ZFPM1: variants seen among roughly 807,000 people sequenced by gnomAD.
The protein encoded by ZFPM1 is zinc finger protein, FOG family member 1.
A neutral mutation model predicts 46.3 loss-of-function variants in ZFPM1; 28 were observed. The observed-to-expected ratio is 0.60, with a 90% CI of 0.45 to 0.83. The LOEUF (loss-of-function observed/expected upper bound fraction) is 0.83. Among genes scored for constraint, ZFPM1 ranks in the 40% least tolerant of loss-of-function variants. ZFPM1 has a pLI of 0.00. For synonymous variants in ZFPM1, 957 were observed against 675.9 expected (o/e 1.42, Z -6.45); for missense variants, 1,878 against 1,432.4 (o/e 1.31, Z -5.02).
At chr16:88,465,720 C>T (rs1300135231) in intron 1 of ZFPM1, among the ~76,000 whole-genome samples, 5 of 152,226 alleles carry the variant, frequency 3.3e-5, no homozygotes, top group Non-Finnish European at 7.4e-5. Context: ...CCCCAGCCAT[C>T]CCTGGCCCTG....
chr16:88,533,638 G>A lies in ZFPM1; in HGVS notation c.1680G>A (p.Ala560=). The stretch of plus-strand genomic sequence containing the variant: ...GCCGGCTGCAGCAGGGCGCGGGCGC[G>A]GGCGCCGGCGGCGCGCAGACCGGGC... ...VHSRLQQGAG[A]GAGGAQTGLF... Residue 560 remains alanine, a synonymous_variant, in exon 10 of 10, where the codon GCG becomes GCA. Transcript: ENST00000319555. 1.4e-6 allele frequency: 2 copies of A among 1,459,516 alleles called. No individual in the cohort carries two copies. Among genetic ancestry groups the A allele is most frequent in the South Asian group, 1.3e-5 (1 of 77,224 alleles). The allele number at this position is 1,459,516 out of a possible 1,614,324, so 90.4% of individuals were successfully genotyped here. A position where few individuals can be genotyped will look rare whatever the true frequency, so the allele number is the denominator to read the frequency against.
intron 4 of ZFPM1, among the ~76,000 whole-genome samples, chr16:88,520,952 G>T (rs1173734019): frequency 2.2e-5 from 3 of 133,432 alleles, no homozygotes; most frequent in African/African-American, 5.7e-5. Context: ...TAGGTGGGTG[G>T]GTGGATGATG....
Position 88,480,339 on chromosome 16 carries a change from G to A in ZFPM1, c.41-5600G>A, listed in dbSNP as rs1282143665. 2.0e-5 allele frequency among the ~76,000 whole-genome samples: 3 copies of A among 152,190 alleles called. No homozygotes were observed. Among genetic ancestry groups the A allele is most frequent in the African/African-American group, 4.8e-5 (2 of 41,454 alleles). On this transcript the variant is annotated intron_variant, in intron 1 of 9. Transcript: ENST00000319555. This position sits in a 1 kb window ranked among gnomAD's most constrained non-coding sequence, Gnocchi z 4.9. Reference sequence around the variant, plus strand: ...ACCTCGTGAGGGTGGGGCACGCCAAGGGCTCAGGAAGGGGAAAGGAGCCAG... The same window carrying A: ...ACCTCGTGAGGGTGGGGCACGCCAAAGGCTCAGGAAGGGGAAAGGAGCCAG...
intron 1 of ZFPM1, among the ~76,000 whole-genome samples, chr16:88,472,553 C>T (rs1022619022): frequency 4.6e-5 from 7 of 152,060 alleles, no homozygotes; most frequent in African/African-American, 1.2e-4. Flanking sequence ...GGGGTTTCAC[C>T]CTGTTGGCCA....
chr16:88,502,070 AT>A lies in ZFPM1; in HGVS notation c.269-12314del, dbSNP rs1567541893. On this transcript the variant is annotated intron_variant, in intron 3 of 9. Coordinates refer to ENST00000319555, the MANE Select transcript of ZFPM1 (RefSeq NM_153813.3). ...CGGCTCCACCCGCCCCCCCCCATTT[AT>A]TTATTTATTTATTTATTTATTTATT... 1.9e-3 allele frequency among the ~76,000 whole-genome samples: 46 copies of A among 23,816 alleles called. 1 individual carries two copies. The highest frequency in any genetic ancestry group is 3.9e-3 in the African/African-American group (43 of 10,892). The allele number at this position is 23,816 out of a possible 152,430, so 15.6% of individuals were successfully genotyped here. A position where few individuals can be genotyped will look rare whatever the true frequency, so the allele number is the denominator to read the frequency against.
At position 88,453,457 on chromosome 16, in the gene ZFPM1, C is replaced by T. The variant is rs1907377056; in HGVS notation, c.-182C>T. ...AACGCAGGACCGTGGCCTCTCGGGCCTCCGCGGCAGCTCCAGCGGCTCCGG... is the reference window on the plus strand; with the variant it reads ...AACGCAGGACCGTGGCCTCTCGGGCTTCCGCGGCAGCTCCAGCGGCTCCGG... On this transcript the variant is annotated 5_prime_UTR_variant, in exon 1 of 10. Transcript: ENST00000319555. 6.0e-6 allele frequency: 1 copy of T among 166,194 alleles called. No homozygotes were observed. Among genetic ancestry groups the T allele is most frequent in the African/African-American group, 2.5e-5 (1 of 40,720 alleles). 10.3% of individuals were successfully genotyped at this position (166,194 alleles called of 1,614,324 possible).
rs961845649 is a variant in ZFPM1, at chr16:88,536,835, C to A, written c.*1856C>A. ...CAGGTGATAGCGGGGACGGGAGGCACGGACCCCTCAAGTCTGCTCATCATT... is the reference window on the plus strand; with the variant it reads ...CAGGTGATAGCGGGGACGGGAGGCAAGGACCCCTCAAGTCTGCTCATCATT... On this transcript the variant is annotated 3_prime_UTR_variant, in exon 10 of 10. Coordinates refer to ENST00000319555, the MANE Select transcript of ZFPM1 (RefSeq NM_153813.3). 1 of 152,206 alleles carries A rather than the reference C, an allele frequency of 6.6e-6. No individual in the cohort carries two copies. Among genetic ancestry groups the A allele is most frequent in the East Asian group, 1.9e-4 (1 of 5,196 alleles). 9.4% of individuals were successfully genotyped at this position (152,206 alleles called of 1,614,324 possible). A position where few individuals can be genotyped will look rare whatever the true frequency, so the allele number is the denominator to read the frequency against.
chr16:88,518,274 T>C (rs1911487950), intron 4 of ZFPM1, among the ~76,000 whole-genome samples: 1 of 150,246 alleles, frequency 6.7e-6, no homozygotes, highest in South Asian at 2.1e-4. Flanking sequence ...GGATGGTGGA[T>C]AAGTGGATGG....
intron 1 of ZFPM1, among the ~76,000 whole-genome samples, chr16:88,485,543 G>T (rs562333089): frequency 2.0e-5 from 3 of 151,314 alleles, no homozygotes; most frequent in Admixed American, 6.6e-5. Context: ...AGTCTCAAGC[G>T]ATCCTCCCAC....
chr16:88,515,752 G>A (rs1425307190), intron 4 of ZFPM1, among the ~76,000 whole-genome samples: 1 of 152,222 alleles, frequency 6.6e-6, no homozygotes, highest in Non-Finnish European at 1.5e-5. Context: ...TCCATGGAAG[G>A]AGCCACATTT....
intron 1 of ZFPM1, among the ~76,000 whole-genome samples, chr16:88,456,806 G>A (rs896322746): frequency 1.3e-5 from 2 of 152,186 alleles, no homozygotes; most frequent in Admixed American, 1.3e-4. Context: ...CCAGGGCTGT[G>A]GGAGTCCCCA....
At chr16:88,522,660 G>T (rs771001166) in intron 4 of ZFPM1, among the ~76,000 whole-genome samples, 3 of 152,218 alleles carry the variant, frequency 2.0e-5, no homozygotes, top group Non-Finnish European at 4.4e-5. Flanking sequence ...GGGAAACAAG[G>T]AACATTCTCA....
intron 1 of ZFPM1, among the ~76,000 whole-genome samples, chr16:88,458,987 C>A (rs1444726603): frequency 2.0e-5 from 3 of 152,234 alleles, no homozygotes; most frequent in Non-Finnish European, 4.4e-5. Flanking sequence ...CAGCCACCTG[C>A]AAGCTGCAGG....
chr16:88,531,293 C>T (rs1011218607), intron 6 of ZFPM1, among the ~76,000 whole-genome samples: 13 of 152,212 alleles, frequency 8.5e-5, no homozygotes, highest in Non-Finnish European at 1.5e-4. Flanking sequence ...ACCGAGAACA[C>T]GCTAGAGAAG....
intron 1 of ZFPM1, among the ~76,000 whole-genome samples, chr16:88,455,098 C>A (rs571625621): frequency 4.0e-5 from 6 of 151,502 alleles, no homozygotes; most frequent in African/African-American, 1.5e-4. Context: ...GTTTCTTTTT[C>A]CTTCCTTCCC....
intron 3 of ZFPM1, among the ~76,000 whole-genome samples, chr16:88,505,175 C>T (rs1910580860): frequency 1.3e-5 from 2 of 152,232 alleles, no homozygotes; most frequent in African/African-American, 4.8e-5. Context: ...CTCCCTCGCC[C>T]GGTGGCTGAC....
chr16:88,494,385 C>T (rs1909807078), intron 3 of ZFPM1, among the ~76,000 whole-genome samples: 1 of 152,032 alleles, frequency 6.6e-6, no homozygotes, highest in Non-Finnish European at 1.5e-5. Context: ...AGGTGGAAGC[C>T]GGAAGGGATC....
intron 3 of ZFPM1, among the ~76,000 whole-genome samples, chr16:88,508,688 G>C (rs1026381384): frequency 6.6e-6 from 1 of 152,242 alleles, no homozygotes; most frequent in African/African-American, 2.4e-5. Flanking sequence ...GGCTGCAGAG[G>C]GGACACAGAG....
chr16:88,476,925 C>A (rs994726130), intron 1 of ZFPM1, among the ~76,000 whole-genome samples: 2 of 152,248 alleles, frequency 1.3e-5, no homozygotes, highest in African/African-American at 4.8e-5. Flanking sequence ...GCTGCAAGAC[C>A]CTGGCCCCCC....
Sources: gnomAD v4.1 joint callset for allele counts (sites outside exome capture counted in the v4.1 genomes callset) on GRCh38, gnomAD v4.1.1 for gene constraint, Gnocchi (gnomAD v3.1) non-coding constraint, MANE v1.5 for transcripts, NCBI Gene and HGNC (gene_info 2026-07-23, HGNC 2026-07-21) for gene names.